THSD4: variants seen among roughly 807,000 people sequenced by gnomAD.
The protein encoded by THSD4 is thrombospondin type-1 domain-containing protein 4.
In THSD4, 69 loss-of-function variants were observed where a neutral mutation model predicts 119.0. The ratio of observed to expected loss-of-function variants is 0.58; its 90% CI spans 0.48 to 0.71. The LOEUF is 0.71. Ranked by LOEUF, THSD4 falls within the 30% of genes least tolerant of loss-of-function variation. The pLI, the probability that THSD4 is intolerant of heterozygous loss-of-function variation, is 0.00. For missense variants in THSD4, 1,393 were observed against 1,391.1 expected (o/e 1.00, Z -0.02); for synonymous variants, 524 against 540.4 (o/e 0.97, Z 0.42).
chr15:71,665,402 T>C (rs936477845), intron 8 of THSD4, among the ~76,000 whole-genome samples: 11 of 152,216 alleles, frequency 7.2e-5, no homozygotes, highest in African/African-American at 2.7e-4. Flanking sequence ...TATGAGACCT[T>C]TGTCTGATGT....
chr15:71,763,669 T>G (rs1302347147), intron 15 of THSD4, among the ~76,000 whole-genome samples: 1 of 151,846 alleles, frequency 6.6e-6, no homozygotes, highest in East Asian at 1.9e-4. Context: ...TGCCTCAGCC[T>G]CCTGACCCCA....
At chr15:71,485,549 A>C (rs1425163475) in intron 7 of THSD4, among the ~76,000 whole-genome samples, 1 of 152,172 alleles carries the variant, frequency 6.6e-6, no homozygotes, top group Non-Finnish European at 1.5e-5. Flanking sequence ...TTGCCTCCAG[A>C]GCATTTGATG....
chr15:71,771,274 T>C, intron 17 of THSD4, 66 bp downstream of exon 17: 1 of 1,587,496 alleles, frequency 6.3e-7, no homozygotes, highest in Admixed American at 1.7e-5. Flanking sequence ...TTCTCCGGTG[T>C]GACAATAACA....
chr15:71,634,860 C>G (rs1408927034), intron 7 of THSD4, among the ~76,000 whole-genome samples: 2 of 152,322 alleles, frequency 1.3e-5, no homozygotes, highest in East Asian at 1.9e-4. Flanking sequence ...GCCATACATT[C>G]ATTTTTCTCT....
At chr15:71,381,131 C>T (rs1169630738) in intron 6 of THSD4, among the ~76,000 whole-genome samples, 7 of 152,032 alleles carry the variant, frequency 4.6e-5, no homozygotes, top group Admixed American at 4.6e-4. Flanking sequence ...TATCATTTTG[C>T]CTACTGCTTG....
chr15:71,737,727 C>T lies in THSD4; in HGVS notation c.1631-5C>T, dbSNP rs7172787. On this transcript the variant is annotated splice_region_variant and splice_polypyrimidine_tract_variant and intron_variant, in intron 10 of 17. Transcript: ENST00000261862. The stretch of plus-strand genomic sequence containing the variant: ...ATTCTGTGTGTGCACGCTCACCTCT[C>T]CTAGGGGAACCCTTCAATGGCCAGA... 3,822 of 1,603,834 alleles carry T rather than the reference C, an allele frequency of 2.4e-3. 80 individuals are homozygous for T. The African/African-American group carries it at 0.044, about 19-fold the overall frequency.
intron 6 of THSD4, among the ~76,000 whole-genome samples, chr15:71,275,618 T>C (rs1490913958): frequency 6.6e-6 from 1 of 152,208 alleles, no homozygotes; most frequent in South Asian, 2.1e-4. Context: ...ACTGATACAG[T>C]CTGATTTGGC....
intron 6 of THSD4, among the ~76,000 whole-genome samples, chr15:71,397,680 A>G (rs559550063): frequency 3.0e-4 from 45 of 152,330 alleles, no homozygotes; most frequent in African/African-American, 1.0e-3. Context: ...TAAGAGTTTA[A>G]TCGGGCACTG....
chr15:71,729,516 T>C (rs528937350), intron 9 of THSD4: 6 of 152,316 alleles, frequency 3.9e-5, no homozygotes, highest in African/African-American at 1.4e-4. Flanking sequence ...ATATTATTAA[T>C]TGCATTGTCA....
At chr15:71,118,070 G>A (rs1157758684) in intron 1 of THSD4, among the ~76,000 whole-genome samples, 1 of 152,104 alleles carries the variant, frequency 6.6e-6, no homozygotes, top group East Asian at 1.9e-4. Flanking sequence ...GGGCTTTGAA[G>A]CCTAAGGAGG....
chr15:71,328,515 T>G (rs1337950871), intron 6 of THSD4, among the ~76,000 whole-genome samples: 1 of 152,216 alleles, frequency 6.6e-6, no homozygotes, highest in African/African-American at 2.4e-5. Flanking sequence ...GCATCCACTA[T>G]GTTCCAGGTG....
chr15:71,358,951 C>T (rs2045857854), intron 6 of THSD4, among the ~76,000 whole-genome samples: 1 of 152,172 alleles, frequency 6.6e-6, no homozygotes, highest in Non-Finnish European at 1.5e-5. Context: ...CCCAGCACAC[C>T]CTGCCTAAGC....
intron 7 of THSD4, among the ~76,000 whole-genome samples, chr15:71,478,833 A>C (rs1251792453): frequency 6.6e-6 from 1 of 152,192 alleles, no homozygotes; most frequent in African/African-American, 2.4e-5. Flanking sequence ...AAGTGTTCTG[A>C]GAGGTTATTC....
intron 7 of THSD4, among the ~76,000 whole-genome samples, chr15:71,623,782 G>A (rs1042517736): frequency 1.3e-5 from 2 of 152,050 alleles, no homozygotes; most frequent in Non-Finnish European, 2.9e-5. Context: ...AATTAGCCAG[G>A]CATGGTGGCG....
chr15:71,694,671 T>C (rs1330456761), intron 8 of THSD4, among the ~76,000 whole-genome samples: 1 of 152,212 alleles, frequency 6.6e-6, no homozygotes, highest in Non-Finnish European at 1.5e-5. Context: ...GCCCATATTA[T>C]GATGTCCCAA....
At chr15:71,394,709 A>G (rs544625123) in intron 6 of THSD4, among the ~76,000 whole-genome samples, 1 of 152,306 alleles carries the variant, frequency 6.6e-6, no homozygotes, top group African/African-American at 2.4e-5. Flanking sequence ...TTCAGAAGTC[A>G]CTTCCTCAGT....
At chr15:71,404,629 G>C (rs911415334) in intron 6 of THSD4, among the ~76,000 whole-genome samples, 2 of 152,100 alleles carry the variant, frequency 1.3e-5, no homozygotes, top group African/African-American at 4.8e-5. Flanking sequence ...GGACCTTTTG[G>C]AATTAAGTCA....
At chr15:71,138,139 AC>A (rs1188842239) in intron 1 of THSD4, among the ~76,000 whole-genome samples, 1 of 152,096 alleles carries the variant, frequency 6.6e-6, no homozygotes, top group East Asian at 1.9e-4. Context: ...GATTTAATTG[AC>A]TCATAGTTCT....
At chr15:71,520,790 A>G (rs148205349) in intron 7 of THSD4, among the ~76,000 whole-genome samples, 2 of 152,174 alleles carry the variant, frequency 1.3e-5, no homozygotes, top group African/African-American at 2.4e-5. Context: ...CCAAAGTGCT[A>G]TATAGTGAGT....
Sources: gnomAD v4.1 joint callset for allele counts (sites outside exome capture counted in the v4.1 genomes callset) on GRCh38, gnomAD v4.1.1 for gene constraint, MANE v1.5 for transcripts, NCBI Gene and HGNC (gene_info 2026-07-23, HGNC 2026-07-21) for gene names.